Variants in RNF220 observed in about 807,000 individuals in gnomAD.
RNF220 encodes the protein E3 ubiquitin-protein ligase RNF220.
Under a neutral mutation model 67.1 loss-of-function variants are expected in RNF220, and 7 were observed. That is an observed-to-expected ratio of 0.10 (90% CI 0.06 to 0.20). RNF220 has a LOEUF of 0.20. RNF220 is among the 10% of genes least tolerant of loss of function. The pLI is 1.00. For missense variants in RNF220, 565 were observed against 740.3 expected (o/e 0.76, Z 2.75); for synonymous variants, 270 against 283.2 (o/e 0.95, Z 0.47).
At chr1:44,442,703 G>T (rs1315346202) in intron 2 of RNF220, among the ~76,000 whole-genome samples, 1 of 151,986 alleles carries the variant, frequency 6.6e-6, no homozygotes, top group Non-Finnish European at 1.5e-5. Context: ...TTTTAGTAGA[G>T]ACAGGATTTT....
chr1:44,415,543 A>G (rs1648445337), intron 2 of RNF220, among the ~76,000 whole-genome samples: 1 of 152,180 alleles, frequency 6.6e-6, no homozygotes, highest in African/African-American at 2.4e-5. Flanking sequence ...ATGTATATAT[A>G]TTTATTCTTA....
chr1:44,407,600 G>T (rs76274266), intron 1 of RNF220, among the ~76,000 whole-genome samples: 3,975 of 152,154 alleles, frequency 0.026, 182 homozygotes, highest in African/African-American at 0.09. Flanking sequence ...TGGCCGACAG[G>T]GCCGGGGCCG....
chr1:44,566,984 C>T (rs1380523961), intron 2 of RNF220, among the ~76,000 whole-genome samples: 1 of 152,168 alleles, frequency 6.6e-6, no homozygotes, highest in African/African-American at 2.4e-5. Flanking sequence ...CTAGAATAGT[C>T]CTGCTAAGGT....
At chr1:44,576,098 T>C (rs1042348360) in intron 2 of RNF220, among the ~76,000 whole-genome samples, 1 of 152,188 alleles carries the variant, frequency 6.6e-6, no homozygotes, top group African/African-American at 2.4e-5. Flanking sequence ...AGCAACAAAT[T>C]CCACTTGGGT....
At chr1:44,423,743 G>T in intron 2 of RNF220, 2 of 646,794 alleles carry the variant, frequency 3.1e-6, no homozygotes, top group Non-Finnish European at 3.8e-6. Flanking sequence ...GTACTCGCTT[G>T]GCCGTTAAAC....
intron 2 of RNF220, among the ~76,000 whole-genome samples, chr1:44,477,932 C>T (rs1301418946): frequency 6.6e-6 from 1 of 152,132 alleles, no homozygotes; most frequent in African/African-American, 2.4e-5. Context: ...CACATCCCTC[C>T]CACCTGCAAA....
At chr1:44,589,156 A>T (rs1023789563) in intron 2 of RNF220, among the ~76,000 whole-genome samples, 2 of 151,958 alleles carry the variant, frequency 1.3e-5, no homozygotes, top group Admixed American at 1.3e-4. Flanking sequence ...CATGACTTAC[A>T]CCTCCCACCA....
chr1:44,482,807 G>A (rs1442170172), intron 2 of RNF220, among the ~76,000 whole-genome samples: 3 of 151,618 alleles, frequency 2.0e-5, no homozygotes, highest in African/African-American at 7.3e-5. Context: ...TTTTAATAGA[G>A]ACAGGGTTTC....
intron 2 of RNF220, among the ~76,000 whole-genome samples, chr1:44,597,299 G>A (rs536502506): frequency 4.6e-5 from 7 of 152,262 alleles, no homozygotes; most frequent in African/African-American, 1.7e-4. Context: ...ATAAATGAAT[G>A]AAGTAGCCAG....
intron 2 of RNF220, among the ~76,000 whole-genome samples, chr1:44,589,097 T>C (rs926767925): frequency 6.6e-6 from 1 of 152,230 alleles, no homozygotes; most frequent in Non-Finnish European, 1.5e-5. Flanking sequence ...TGCTGCAGGT[T>C]GAACTTTAAA....
intron 2 of RNF220, among the ~76,000 whole-genome samples, chr1:44,453,371 T>C (rs1458269073): frequency 1.3e-5 from 2 of 152,196 alleles, no homozygotes; most frequent in Non-Finnish European, 2.9e-5. Flanking sequence ...CTGCCATATT[T>C]ATCTTGTTCC....
chr1:44,557,146 G>GTA (rs1042719208), intron 2 of RNF220, among the ~76,000 whole-genome samples: 8 of 145,152 alleles, frequency 5.5e-5, no homozygotes, highest in Non-Finnish European at 1.2e-4. Flanking sequence ...ATATACGTAT[G>GTA]TATATATAAT....
chr1:44,447,383 C>T (rs1003965240), intron 2 of RNF220, among the ~76,000 whole-genome samples: 24 of 152,138 alleles, frequency 1.6e-4, no homozygotes, highest in African/African-American at 5.3e-4. Flanking sequence ...TAGTACCTAC[C>T]CCCTAAATAT....
chr1:44,638,044 G>GT (rs907829981), intron 8 of RNF220, among the ~76,000 whole-genome samples: 3 of 152,394 alleles, frequency 2.0e-5, no homozygotes, highest in East Asian at 1.9e-4. Flanking sequence ...AGGCTCCTCA[G>GT]TGGGGGGGCT....
intron 2 of RNF220, among the ~76,000 whole-genome samples, chr1:44,502,155 TCTCACA>T (rs1254238866): frequency 5.1e-4 from 54 of 106,242 alleles, no homozygotes; most frequent in Non-Finnish European, 6.5e-4. Flanking sequence ...TCTCTCTCTC[TCTCACA>T]CACACACACA....
chr1:44,612,651 C>A (rs539113242), intron 2 of RNF220, among the ~76,000 whole-genome samples: 2 of 151,886 alleles, frequency 1.3e-5, no homozygotes, highest in Non-Finnish European at 2.9e-5. Context: ...TATGGGACAT[C>A]CAGGTAAATT....
intron 2 of RNF220, among the ~76,000 whole-genome samples, chr1:44,473,426 G>T (rs1654998607): frequency 7.6e-6 from 1 of 132,148 alleles, no homozygotes; most frequent in African/African-American, 2.9e-5. Flanking sequence ...ACAATGCGGT[G>T]CCCCATCACA....
At chr1:44,635,405 C>A in intron 6 of RNF220, 140 bp from the exon 7 acceptor site, 1 of 1,329,470 alleles carries the variant, frequency 7.5e-7, no homozygotes, top group Non-Finnish European at 1.0e-6. Flanking sequence ...GGAGGTATTT[C>A]AAGATGAGGG....
intron 2 of RNF220, among the ~76,000 whole-genome samples, chr1:44,568,281 C>T (rs566603327): frequency 1.3e-5 from 2 of 152,326 alleles, no homozygotes; most frequent in African/African-American, 4.8e-5. Context: ...CTCATCCCCA[C>T]CTCACTCTGC....
Sources: gnomAD v4.1 joint callset for allele counts (sites outside exome capture counted in the v4.1 genomes callset) on GRCh38, gnomAD v4.1.1 for gene constraint, MANE v1.5 for transcripts, NCBI Gene and HGNC (gene_info 2026-07-23, HGNC 2026-07-21) for gene names.